SH3GL2: variants seen among roughly 807,000 people sequenced by gnomAD.
SH3GL2 encodes the protein endophilin-A1.
SH3GL2 carries 24 observed loss-of-function variants against 46.0 expected under a neutral mutation model. The ratio of observed to expected loss-of-function variants is 0.52; its 90% CI spans 0.38 to 0.73. The LOEUF is 0.73. Ranked by LOEUF, SH3GL2 falls within the 30% of genes least tolerant of loss-of-function variation. SH3GL2 has a pLI of 0.00. For missense variants in SH3GL2, 413 were observed against 424.2 expected (o/e 0.97, Z 0.23); for synonymous variants, 196 against 147.1 (o/e 1.33, Z -2.40).
chr9:17,737,676 T>C (rs1477668741), intron 1 of SH3GL2, among the ~76,000 whole-genome samples: 1 of 152,084 alleles, frequency 6.6e-6, no homozygotes, highest in African/African-American at 2.4e-5. Context: ...TCCCTTTACT[T>C]TCTGTTTTTT....
intron 1 of SH3GL2, among the ~76,000 whole-genome samples, chr9:17,675,473 G>A (rs1185152998): frequency 6.6e-6 from 1 of 152,152 alleles, no homozygotes; most frequent in Non-Finnish European, 1.5e-5. Flanking sequence ...TGTAATATCA[G>A]TATCTGTCTG....
chr9:17,658,056 A>G (rs1820131553), intron 1 of SH3GL2, among the ~76,000 whole-genome samples: 1 of 152,214 alleles, frequency 6.6e-6, no homozygotes, highest in South Asian at 2.1e-4. Flanking sequence ...TGAGGTGAGC[A>G]GGTGCTCCCC....
chr9:17,652,572 C>T (rs1306365602), intron 1 of SH3GL2, among the ~76,000 whole-genome samples: 3 of 151,956 alleles, frequency 2.0e-5, no homozygotes, highest in Non-Finnish European at 4.4e-5. Flanking sequence ...TTTTCTCTGC[C>T]ATTTCTGAGA....
intron 1 of SH3GL2, among the ~76,000 whole-genome samples, chr9:17,699,176 A>T (rs1465690243): frequency 1.4e-5 from 2 of 139,198 alleles, no homozygotes; most frequent in African/African-American, 5.4e-5. Context: ...AAAAAAAAAA[A>T]TCAAATACAG....
intron 2 of SH3GL2, among the ~76,000 whole-genome samples, chr9:17,755,168 C>G (rs1822952483): frequency 6.6e-6 from 1 of 152,116 alleles, no homozygotes; most frequent in East Asian, 1.9e-4. Context: ...CCCTTAATAC[C>G]TAGCTCATTG....
At chr9:17,711,890 A>G (rs1821634750) in intron 1 of SH3GL2, among the ~76,000 whole-genome samples, 1 of 151,862 alleles carries the variant, frequency 6.6e-6, no homozygotes, top group African/African-American at 2.4e-5. Context: ...ACAGTACTCA[A>G]CAGTTCTACA....
At chr9:17,716,492 A>C (rs1028419750) in intron 1 of SH3GL2, among the ~76,000 whole-genome samples, 3 of 152,124 alleles carry the variant, frequency 2.0e-5, no homozygotes, top group African/African-American at 7.2e-5. Context: ...TTCCAGGTCA[A>C]TTATAAGGTT....
intron 1 of SH3GL2, among the ~76,000 whole-genome samples, chr9:17,624,568 C>T (rs764401734): frequency 7.2e-5 from 11 of 152,132 alleles, no homozygotes; most frequent in South Asian, 2.1e-4. Context: ...TCCCATTTTC[C>T]GTTGGTTCAT....
intron 1 of SH3GL2, among the ~76,000 whole-genome samples, chr9:17,616,000 C>G (rs1818986263): frequency 6.6e-6 from 1 of 152,102 alleles, no homozygotes; most frequent in Admixed American, 6.6e-5. Flanking sequence ...AGAGATGTTT[C>G]TGGGAATTGA....
chr9:17,632,921 T>C (rs565987680), intron 1 of SH3GL2, among the ~76,000 whole-genome samples: 16 of 152,328 alleles, frequency 1.1e-4, no homozygotes, highest in African/African-American at 3.8e-4. Flanking sequence ...TTGATACTTA[T>C]TGCTGAAACA....
intron 3 of SH3GL2, among the ~76,000 whole-genome samples, chr9:17,785,718 GAA>G (rs1162833274): frequency 6.7e-6 from 1 of 148,742 alleles, no homozygotes; most frequent in African/African-American, 2.6e-5. Context: ...CAAAAACAAA[GAA>G]AGAGAAATTG....
At chr9:17,683,644 G>T (rs1423567972) in intron 1 of SH3GL2, among the ~76,000 whole-genome samples, 1 of 152,022 alleles carries the variant, frequency 6.6e-6, no homozygotes, top group Non-Finnish European at 1.5e-5. Context: ...CAGAACAAGA[G>T]AATACTTCCT....
chr9:17,734,683 G>C (rs1822276366), intron 1 of SH3GL2, among the ~76,000 whole-genome samples: 1 of 152,094 alleles, frequency 6.6e-6, no homozygotes, highest in Non-Finnish European at 1.5e-5. Context: ...AATGCTATGT[G>C]AAACAAGCCA....
intron 1 of SH3GL2, among the ~76,000 whole-genome samples, chr9:17,723,916 T>C (rs748449021): frequency 2.0e-5 from 3 of 152,152 alleles, no homozygotes; most frequent in African/African-American, 7.2e-5. Context: ...TTTTCTCTTA[T>C]TGATTTCAAG....
At chr9:17,605,538 C>G (rs1314680974) in intron 1 of SH3GL2, among the ~76,000 whole-genome samples, 1 of 152,116 alleles carries the variant, frequency 6.6e-6, no homozygotes, top group Non-Finnish European at 1.5e-5. Flanking sequence ...GGGCTCAGCA[C>G]TTTCAGTATA....
chr9:17,670,808 G>C (rs75324635), intron 1 of SH3GL2, among the ~76,000 whole-genome samples: 1 of 152,006 alleles, frequency 6.6e-6, no homozygotes, highest in South Asian at 2.1e-4. Context: ...GAAATAATGG[G>C]ACTTACATAT....
Position 17,579,166 on chromosome 9 carries a change from G to A in SH3GL2, c.-77G>A. The A allele has an allele frequency of 4.6e-6, 5 of 1,098,794 alleles. No homozygotes were observed. Among genetic ancestry groups the A allele is most frequent in the South Asian group, 3.2e-5 (2 of 63,352 alleles). The allele number at this position is 1,098,794 out of a possible 1,614,324, so 68.1% of individuals were successfully genotyped here. A position where few individuals can be genotyped will look rare whatever the true frequency, so the allele number is the denominator to read the frequency against. ...CGACCAGAGGCGGCCAGGGGAGCGC[G>A]CCGCCCCGCTCGGCCCTCCAGTCCC... On this transcript the variant is annotated 5_prime_UTR_variant, in exon 1 of 9. Coordinates refer to ENST00000380607, the MANE Select transcript of SH3GL2 (RefSeq NM_003026.5).
chr9:17,727,983 G>A (rs1334912254), intron 1 of SH3GL2, among the ~76,000 whole-genome samples: 1 of 152,130 alleles, frequency 6.6e-6, no homozygotes, highest in Non-Finnish European at 1.5e-5. Context: ...CATTGGGAAG[G>A]AGACTGGTTA....
At chr9:17,788,858 A>G (rs1824038116) in intron 5 of SH3GL2, among the ~76,000 whole-genome samples, 1 of 152,144 alleles carries the variant, frequency 6.6e-6, no homozygotes, top group African/African-American at 2.4e-5. Flanking sequence ...CCCACCCTAG[A>G]TATCGATTCA....
Sources: allele counts gnomAD v4.1 joint callset (sites outside exome capture counted in the v4.1 genomes callset), GRCh38; gene constraint gnomAD v4.1.1; transcripts MANE v1.5; gene names NCBI Gene and HGNC (gene_info 2026-07-23, HGNC 2026-07-21).